The following CLASP1 variants were observed in gnomAD, a reference collection of about 807,000 sequenced individuals.
CLASP1 encodes CLIP-associating protein 1.
Under a neutral mutation model 192.3 loss-of-function variants are expected in CLASP1, and 38 were observed. The ratio of observed to expected loss-of-function variants is 0.20; its 90% CI spans 0.15 to 0.26. CLASP1 has a LOEUF of 0.26. Ranked by LOEUF, CLASP1 falls within the 10% of genes least tolerant of loss-of-function variation. The pLI, the probability that CLASP1 is intolerant of heterozygous loss-of-function variation, is 1.00. For synonymous variants in CLASP1, 691 were observed against 712.8 expected, an observed-to-expected ratio of 0.97 and a Z score of 0.49; for missense variants, 1,433 against 1,932.5, an observed-to-expected ratio of 0.74 and a Z score of 4.85.
intron 37 of CLASP1, among the ~76,000 whole-genome samples, chr2:121,352,499 C>CGA (rs2064664830): frequency 6.6e-6 from 1 of 152,238 alleles, no homozygotes; most frequent in Non-Finnish European, 1.5e-5. Flanking sequence ...TGTGGCCTTT[C>CGA]ACTTTTTTAC....
At chr2:121,363,956 G>A (rs773765602) in intron 36 of CLASP1, among the ~76,000 whole-genome samples, 1 of 152,120 alleles carries the variant, frequency 6.6e-6, no homozygotes, top group African/African-American at 2.4e-5. Context: ...CATCTGTACA[G>A]TTCACACACT....
rs368485802 is a variant in CLASP1 at position 121,522,758 on chromosome 2, A to G, written c.546+3087T>C. On this transcript the variant is annotated intron_variant, in intron 6 of 39. Transcript: ENST00000263710. ...TGTATAGTCTACTCCAGGGCTGCCA[A>G]TGTTTGGTGTAAGTATGGCTATGTC... Among the ~76,000 whole-genome samples the G allele has an allele frequency of 2.6e-5, 4 of 152,196 alleles. No homozygotes were observed. In the East Asian group the frequency reaches 7.7e-4, roughly 29 times the overall value.
At position 121,630,452 on chromosome 2, in the gene CLASP1, C is replaced by T. The variant is rs532883463; in HGVS notation, c.-286+18920G>A. Among the ~76,000 whole-genome samples the T allele has an allele frequency of 2.0e-5, 3 of 151,160 alleles. No individual in the cohort carries two copies. The South Asian group carries it at 6.3e-4, about 32-fold the overall frequency. On this transcript the variant is annotated intron_variant, in intron 1 of 39. Coordinates refer to ENST00000263710, the Ensembl canonical transcript of CLASP1. ...CAGAAGCAATTATTCAGTAAATCTT[C>T]TGTATCTAGTACCCATCTCTAGAAG...
chr2:121,397,134 A>G lies in CLASP1; in HGVS notation c.3123+6T>C. 6.2e-7 allele frequency: 1 copy of G among 1,613,526 alleles called. No individual in the cohort carries two copies. The highest frequency in any genetic ancestry group is 8.5e-7 in the Non-Finnish European group (1 of 1,179,532). On this transcript the variant is annotated splice_donor_region_variant and intron_variant, in intron 30 of 39. Coordinates refer to ENST00000263710, the Ensembl canonical transcript of CLASP1. ...TGTAATTACACGTCGGTTCTCTTGG[A>G]CATACCTTTCTCACGTCTGAACTCT...
At chr2:121,341,835 A>G (rs1558788495) in intron 39 of CLASP1, among the ~76,000 whole-genome samples, 1 of 152,224 alleles carries the variant, frequency 6.6e-6, no homozygotes, top group Non-Finnish European at 1.5e-5. Context: ...CAAGGGACAC[A>G]TTAAGTTTCA....
At chr2:121,365,214 C>T (rs374882378) in exon 36 of CLASP1, 47 of 1,613,690 alleles carry the variant, frequency 2.9e-5, no homozygotes, top group Non-Finnish European at 3.6e-5. Flanking sequence ...CCTTCCGTTC[C>T]TCCACTCGCT....
Position 121,618,847 on chromosome 2 carries a change from T to C in CLASP1, c.-285-12667A>G, listed in dbSNP as rs1482947578. Among the ~76,000 whole-genome samples the C allele has an allele frequency of 6.6e-5, 10 of 152,314 alleles. 1 individual carries two copies. The East Asian group carries it at 1.9e-3, about 29-fold the overall frequency. On this transcript the variant is annotated intron_variant, in intron 1 of 39. Coordinates refer to ENST00000263710, the Ensembl canonical transcript of CLASP1. ...CCAGTCAGGCATACAACAGAAAGAC[T>C]GTACAGAAATAAGGCCCAACAGTCC...
chr2:121,490,492 G>C (rs144869119), intron 8 of CLASP1, among the ~76,000 whole-genome samples: 68 of 152,270 alleles, frequency 4.5e-4, no homozygotes, highest in Non-Finnish European at 7.9e-4. Context: ...TGGCTGGGGG[G>C]AGGTGTGAGC....
intron 19 of CLASP1, among the ~76,000 whole-genome samples, chr2:121,443,577 G>A (rs2083760432): frequency 6.6e-6 from 1 of 152,148 alleles, no homozygotes; most frequent in African/African-American, 2.4e-5. Context: ...AGCCTCTGCC[G>A]TCTGCTGTCA....
intron 9 of CLASP1, among the ~76,000 whole-genome samples, chr2:121,467,607 G>GT (rs1396721082): frequency 2.0e-5 from 3 of 151,904 alleles, no homozygotes; most frequent in African/African-American, 7.3e-5. Context: ...TCCTCTTTTC[G>GT]TAACTGTCTG....
At chr2:121,531,009 TG>T (rs571745464) in intron 2 of CLASP1, 24 of 700,158 alleles carry the variant, frequency 3.4e-5, no homozygotes, top group Non-Finnish European at 5.2e-5. Flanking sequence ...TTTGGAAAAA[TG>T]AAAACCTGTT....
intron 2 of CLASP1, among the ~76,000 whole-genome samples, chr2:121,584,818 T>C (rs751484923): frequency 9.2e-5 from 14 of 152,204 alleles, no homozygotes; most frequent in Non-Finnish European, 2.1e-4. Context: ...TTTATCCCTC[T>C]GTGGCCTCTC....
At chr2:121,376,267 G>A (rs916268231) in intron 34 of CLASP1, among the ~76,000 whole-genome samples, 1 of 152,090 alleles carries the variant, frequency 6.6e-6, no homozygotes, top group Non-Finnish European at 1.5e-5. Flanking sequence ...CCAAGATACA[G>A]AATCAATCTA....
intron 7 of CLASP1, among the ~76,000 whole-genome samples, chr2:121,505,895 T>C (rs1275175366): frequency 2.0e-5 from 3 of 152,196 alleles, no homozygotes; most frequent in Non-Finnish European, 4.4e-5. Flanking sequence ...TGGAAGCAAA[T>C]ACTTAATCAC....
intron 34 of CLASP1, among the ~76,000 whole-genome samples, chr2:121,368,241 C>T (rs929123952): frequency 6.6e-6 from 1 of 152,114 alleles, no homozygotes; most frequent in East Asian, 1.9e-4. Context: ...CTCCTCCAAC[C>T]GCCATCATTA....
At chr2:121,364,111 T>C (rs1267493897) in intron 36 of CLASP1, 1 of 152,228 alleles carries the variant, frequency 6.6e-6, no homozygotes, top group Non-Finnish European at 1.5e-5. Context: ...ACAGATTACT[T>C]ATTACCATTC....
chr2:121,439,888 A>C (rs1313739055), intron 19 of CLASP1, among the ~76,000 whole-genome samples: 2 of 138,160 alleles, frequency 1.4e-5, no homozygotes, highest in Non-Finnish European at 3.0e-5. Context: ...GAACAATGAG[A>C]TCACATGGAC....
At chr2:121,622,949 C>A (rs147818377) in intron 1 of CLASP1, among the ~76,000 whole-genome samples, 1 of 152,096 alleles carries the variant, frequency 6.6e-6, no homozygotes, top group Non-Finnish European at 1.5e-5. Context: ...TTTGGTCAAG[C>A]GCAGTGGCTC....
intron 15 of CLASP1, among the ~76,000 whole-genome samples, chr2:121,451,469 T>C (rs1416618230): frequency 6.6e-6 from 1 of 152,200 alleles, no homozygotes; most frequent in African/African-American, 2.4e-5. Context: ...ATCTAACACT[T>C]GTCTACTAAC....
Sources: allele counts gnomAD v4.1 joint callset (sites outside exome capture counted in the v4.1 genomes callset), GRCh38; gene constraint gnomAD v4.1.1; transcripts MANE v1.5; gene names NCBI Gene and HGNC (gene_info 2026-07-23, HGNC 2026-07-21).